The following MYO5B variants were observed in gnomAD, a reference collection of about 807,000 sequenced individuals.
MYO5B encodes myosin VB, also known as unconventional myosin-Vb.
Under a neutral mutation model 229.3 loss-of-function variants are expected in MYO5B, and 143 were observed. That is an observed-to-expected ratio of 0.62 (90% CI 0.54 to 0.72). The LOEUF (loss-of-function observed/expected upper bound fraction) is 0.72, where lower values mean the gene tolerates loss of function less well. Ranked by LOEUF, MYO5B falls within the 30% of genes least tolerant of loss-of-function variation. The pLI is 0.00. For synonymous variants in MYO5B, 918 were observed against 885.2 expected, an observed-to-expected ratio of 1.04 and a Z score of -0.66; for missense variants, 2,321 against 2,331.0, an observed-to-expected ratio of 1.00 and a Z score of 0.09.
chr18:49,937,338 AGGGGT>A lies in MYO5B; in HGVS notation c.1807_1811del (p.Thr603TrpfsTer59). 6.2e-7 allele frequency: 1 copy of A among 1,614,148 alleles called. No homozygotes were observed. Among genetic ancestry groups the A allele is most frequent in the Non-Finnish European group, 8.5e-7 (1 of 1,179,996 alleles). On this transcript the variant is annotated frameshift_variant, in exon 15 of 40. Coordinates refer to ENST00000285039, the MANE Select transcript of MYO5B (RefSeq NM_001080467.3). LOFTEE classifies it high-confidence loss of function. ...TGATCTTCGAAGATGACCCCTTCCC[AGGGGT>A]GGTGGCAGGAACAGGGTCCTTGTCA... is the stretch of plus-strand genomic sequence containing the variant.
At chr18:49,923,253 C>G (rs1354337601) in intron 17 of MYO5B, among the ~76,000 whole-genome samples, 1 of 152,200 alleles carries the variant, frequency 6.6e-6, no homozygotes, top group East Asian at 1.9e-4. Context: ...AACCTTGCAT[C>G]TGGTTATATG....
At chr18:50,118,710 C>T (rs987585312) in intron 1 of MYO5B, among the ~76,000 whole-genome samples, 5 of 151,570 alleles carry the variant, frequency 3.3e-5, no homozygotes, top group Non-Finnish European at 7.4e-5. Flanking sequence ...CTGCAAGCTC[C>T]GCCTCCAGGG....
chr18:50,103,562 A>C (rs1316275337), intron 1 of MYO5B, among the ~76,000 whole-genome samples: 1 of 152,214 alleles, frequency 6.6e-6, no homozygotes, highest in Non-Finnish European at 1.5e-5. Flanking sequence ...GCAGCTAGGC[A>C]ACAAAGTGAG....
At chr18:50,160,807 C>CT (rs2032753920) in intron 1 of MYO5B, among the ~76,000 whole-genome samples, 1 of 152,104 alleles carries the variant, frequency 6.6e-6, no homozygotes, top group Admixed American at 6.6e-5. Context: ...ATCAACTCCC[C>CT]TAGTCCCTCC....
chr18:49,904,597 AC>A, intron 20 of MYO5B, 74 bp downstream of exon 20: 1 of 1,584,596 alleles, frequency 6.3e-7, no homozygotes, highest in South Asian at 1.1e-5. Context: ...ACAGAGGTTC[AC>A]GTTGGCAGTA....
intron 1 of MYO5B, among the ~76,000 whole-genome samples, chr18:50,162,974 A>G (rs771916131): frequency 1.3e-5 from 2 of 152,178 alleles, no homozygotes; most frequent in African/African-American, 2.4e-5. Flanking sequence ...ACCTCCTTTT[A>G]CAAACTGGTT....
intron 39 of MYO5B, among the ~76,000 whole-genome samples, chr18:49,831,993 G>A (rs772770217): frequency 7.9e-5 from 12 of 152,096 alleles, no homozygotes; most frequent in Admixed American, 5.2e-4. Flanking sequence ...AAAGAATATC[G>A]TATGAGCCAA....
intron 1 of MYO5B, among the ~76,000 whole-genome samples, chr18:50,095,351 C>T (rs1203864189): frequency 6.6e-6 from 1 of 152,232 alleles, no homozygotes; most frequent in East Asian, 1.9e-4. Context: ...GCATTTCCCT[C>T]CTCTACACAG....
At chr18:49,931,504 A>G (rs1050620777) in intron 16 of MYO5B, among the ~76,000 whole-genome samples, 1 of 152,218 alleles carries the variant, frequency 6.6e-6, no homozygotes, top group South Asian at 2.1e-4. Flanking sequence ...TTTCCTTCAG[A>G]AGACTTCATC....
At chr18:49,986,572 G>C (rs1441738998) in intron 7 of MYO5B, among the ~76,000 whole-genome samples, 1 of 152,220 alleles carries the variant, frequency 6.6e-6, no homozygotes, top group East Asian at 1.9e-4. Flanking sequence ...GTCACTCACA[G>C]CCTTGGCAGA....
At chr18:50,037,789 G>A (rs780661281) in intron 3 of MYO5B, among the ~76,000 whole-genome samples, 2 of 152,078 alleles carry the variant, frequency 1.3e-5, no homozygotes, top group African/African-American at 2.4e-5. Flanking sequence ...CCAGCTGCTC[G>A]AGGAGTCTGA....
intron 5 of MYO5B, among the ~76,000 whole-genome samples, chr18:49,993,416 G>A (rs1010632082): frequency 6.6e-6 from 1 of 152,016 alleles, no homozygotes; most frequent in Non-Finnish European, 1.5e-5. Context: ...AAGGCTGGCA[G>A]AATAGTGAGA....
intron 2 of MYO5B, among the ~76,000 whole-genome samples, chr18:50,049,728 T>C (rs1265197631): frequency 6.6e-6 from 1 of 152,150 alleles, no homozygotes; most frequent in African/African-American, 2.4e-5. Flanking sequence ...GCCCAGACAT[T>C]GCCAAATGTT....
intron 4 of MYO5B, among the ~76,000 whole-genome samples, chr18:50,004,211 C>T (rs190629815): frequency 1.8e-4 from 28 of 152,138 alleles, no homozygotes; most frequent in Admixed American, 5.9e-4. Context: ...GGCTAGGTCA[C>T]GTGACAAGTG....
rs149810456 is a variant in MYO5B at position 49,998,670 on chromosome 18, T to C, written c.612+2585A>G. 5.6e-3 allele frequency among the ~76,000 whole-genome samples: 849 copies of C among 152,318 alleles called. 7 individuals carry two copies. Among genetic ancestry groups the C allele is most frequent in the African/African-American group, 0.019 (792 of 41,568 alleles). The stretch of plus-strand genomic sequence containing the variant: ...AATGTGGTATGACCATGCAATGAAA[T>C]ACTGTTCAATCATGAAAAGGAGCAA... On this transcript the variant is annotated intron_variant, in intron 5 of 39. Coordinates refer to ENST00000285039, the MANE Select transcript of MYO5B (RefSeq NM_001080467.3).
At chr18:49,939,336 G>T (rs1414979577) in intron 14 of MYO5B, among the ~76,000 whole-genome samples, 3 of 151,844 alleles carry the variant, frequency 2.0e-5, no homozygotes, top group African/African-American at 7.3e-5. Flanking sequence ...AGTACAGACA[G>T]GGTTTCACCA....
intron 23 of MYO5B, 47 bp from the exon 24 acceptor site, chr18:49,879,137 C>G: frequency 6.2e-7 from 1 of 1,613,062 alleles, no homozygotes; most frequent in East Asian, 2.2e-5. Context: ...TGGATTCCCT[C>G]ACATGTATTG....
chr18:49,851,853 G>GTAGGTGAAT (rs2024204528), intron 31 of MYO5B, among the ~76,000 whole-genome samples: 1 of 152,206 alleles, frequency 6.6e-6, no homozygotes, highest in African/African-American at 2.4e-5. Context: ...TGCTTGCTAA[G>GTAGGTGAAT]TAGGTGAATA....
In MYO5B at chr18:49,934,049, A is replaced by G. The variant is rs547357149; in HGVS notation, c.2003+2203T>C. On this transcript the variant is annotated intron_variant, in intron 16 of 39. Transcript: ENST00000285039. ...CACCACCATGCCCAGCTAATTTTAA[A>G]ATTTTTTGTAGAGGTTGGGTCTCGC... Among the ~76,000 whole-genome samples, 14 of 152,004 alleles carry G rather than the reference A, an allele frequency of 9.2e-5. No homozygotes were observed. The South Asian group carries it at 2.7e-3, about 29-fold the overall frequency.
Sources: gnomAD v4.1 joint callset for allele counts (sites outside exome capture counted in the v4.1 genomes callset) on GRCh38, gnomAD v4.1.1 for gene constraint, MANE v1.5 for transcripts, NCBI Gene and HGNC (gene_info 2026-07-23, HGNC 2026-07-21) for gene names.